ULK4: variants seen among roughly 807,000 people sequenced by gnomAD.
The protein encoded by ULK4 is inactive serine/threonine-protein kinase ULK4.
A neutral mutation model predicts 160.6 loss-of-function variants in ULK4; 133 were observed. That is an observed-to-expected ratio of 0.83 (90% CI 0.72 to 0.96). The LOEUF is 0.96. Ranked by LOEUF, ULK4 falls within the 40% of genes least tolerant of loss-of-function variation. The pLI is 0.00. For synonymous variants in ULK4, 534 were observed against 539.8 expected, an observed-to-expected ratio of 0.99 and a Z score of 0.15; for missense variants, 1,580 against 1,499.5, an observed-to-expected ratio of 1.05 and a Z score of -0.89.
chr3:41,932,009 A>C lies in ULK4; in HGVS notation c.379-3T>G, dbSNP rs983225648. ...GTGCCAGGCCCTTCCAAGAGTATCT[A>C]TGAAGATCAAATAAATGTTTTCAGA... is the stretch of plus-strand genomic sequence containing the variant. On this transcript the variant is annotated splice_polypyrimidine_tract_variant and splice_region_variant and intron_variant, in intron 4 of 36. Transcript: ENST00000301831. The C allele has an allele frequency of 1.9e-6, 3 of 1,610,782 alleles. No individual in the cohort carries two copies. The Admixed American group carries it at 5.0e-5, about 27-fold the overall frequency.
intron 32 of ULK4, among the ~76,000 whole-genome samples, chr3:41,542,945 G>T (rs1378524673): frequency 6.6e-6 from 1 of 151,998 alleles, no homozygotes; most frequent in Admixed American, 6.6e-5. Flanking sequence ...ATCTTCTATG[G>T]ACAGGAATCA....
chr3:41,642,077 T>C (rs540485028), intron 30 of ULK4, among the ~76,000 whole-genome samples: 2 of 150,594 alleles, frequency 1.3e-5, no homozygotes, highest in South Asian at 4.2e-4. Context: ...TTTCTTCATG[T>C]TGGTCAGGCT....
intron 34 of ULK4, among the ~76,000 whole-genome samples, chr3:41,433,772 T>C (rs1219922615): frequency 6.6e-6 from 1 of 151,842 alleles, no homozygotes; most frequent in Non-Finnish European, 1.5e-5. Flanking sequence ...CAGGCTGGAG[T>C]GCAATGGCGC....
At chr3:41,658,379 C>T (rs1181324428) in intron 30 of ULK4, among the ~76,000 whole-genome samples, 1 of 152,118 alleles carries the variant, frequency 6.6e-6, no homozygotes, top group African/African-American at 2.4e-5. Context: ...TAAAAAGCTC[C>T]CCAAGTGATA....
rs547901359 is a variant in ULK4 at position 41,893,570 on chromosome 3, G to C, written c.1577+1948C>G. 1.8e-3 allele frequency among the ~76,000 whole-genome samples: 269 copies of C among 151,590 alleles called. 2 individuals are homozygous for C. The highest frequency in any genetic ancestry group is 2.2e-3 in the Non-Finnish European group (147 of 67,832). On this transcript the variant is annotated intron_variant, in intron 16 of 36. Coordinates refer to ENST00000301831, the MANE Select transcript of ULK4 (RefSeq NM_017886.4). ...TCTAATTCTACAAATCTTCCCTAAAGAGAAAAAGAAAAAGCAGGCACAAAG... is the reference window on the plus strand; with the variant it reads ...TCTAATTCTACAAATCTTCCCTAAACAGAAAAAGAAAAAGCAGGCACAAAG...
intron 35 of ULK4, among the ~76,000 whole-genome samples, chr3:41,279,260 A>AG (rs1559501520): frequency 2.4e-5 from 3 of 127,118 alleles, no homozygotes; most frequent in African/African-American, 1.0e-4. Context: ...AAGAGTAAAA[A>AG]AAAAAAAAAA....
chr3:41,580,372 A>AT (rs1383641470), intron 31 of ULK4, among the ~76,000 whole-genome samples: 40 of 150,306 alleles, frequency 2.7e-4, no homozygotes, highest in African/African-American at 8.8e-4. Context: ...TAAACCAATT[A>AT]TTTATTTTTT....
At position 41,322,225 on chromosome 3, in the gene ULK4, T is replaced by C. The variant is rs529425369; in HGVS notation, c.3679-72651A>G. ...TTTTGTAATTTTAGTAGAGATGGGGTTTCACCCTGTTGGCCAGGCTGGTCT... is the reference window on the plus strand; with the variant it reads ...TTTTGTAATTTTAGTAGAGATGGGGCTTCACCCTGTTGGCCAGGCTGGTCT... On this transcript the variant is annotated intron_variant, in intron 35 of 36. Coordinates refer to ENST00000301831, the MANE Select transcript of ULK4 (RefSeq NM_017886.4). 3.5e-5 allele frequency among the ~76,000 whole-genome samples: 5 copies of C among 144,330 alleles called. 1 individual carries two copies. The highest frequency in any genetic ancestry group is 4.3e-4 in the South Asian group (2 of 4,600). 94.7% of individuals were successfully genotyped at this position (144,330 alleles called of 152,430 possible). A position where few individuals can be genotyped will look rare whatever the true frequency, so the allele number is the denominator to read the frequency against.
intron 21 of ULK4, among the ~76,000 whole-genome samples, chr3:41,766,268 A>G (rs899828746): frequency 2.0e-5 from 3 of 152,252 alleles, no homozygotes; most frequent in Non-Finnish European, 2.9e-5. Context: ...ACTCTGTCTC[A>G]AAGAAAAAAA....
At chr3:41,255,347 G>C (rs1461966234) in intron 35 of ULK4, among the ~76,000 whole-genome samples, 2 of 152,106 alleles carry the variant, frequency 1.3e-5, no homozygotes, top group East Asian at 3.9e-4. Context: ...GCTGGGCATG[G>C]TGGCACAAGC....
chr3:41,914,687 T>G (rs1435577421), intron 8 of ULK4: 3 of 152,200 alleles, frequency 2.0e-5, no homozygotes, highest in Non-Finnish European at 4.4e-5. Context: ...GTTTACTTTT[T>G]TATAGGTAAT....
At chr3:41,673,907 C>A (rs1050317284) in intron 29 of ULK4, among the ~76,000 whole-genome samples, 5 of 152,058 alleles carry the variant, frequency 3.3e-5, no homozygotes, top group African/African-American at 1.2e-4. Flanking sequence ...TTCTTTATTG[C>A]TTTGTCTTGC....
chr3:41,954,669 CT>C lies in ULK4; in HGVS notation c.90del (p.Ala31ProfsTer13), dbSNP rs1700424230. ...KGRRKGTINF[V>X]AILCTDKCKR... ...TTGCACTTATCAGTACAAAGAATGG[CT>C]ACAAAATTGATTGTTCCCTTCCGTC... is the stretch of plus-strand genomic sequence containing the variant. On this transcript the variant is annotated frameshift_variant, in exon 2 of 37. Coordinates refer to ENST00000301831, the MANE Select transcript of ULK4 (RefSeq NM_017886.4). LOFTEE classifies it high-confidence loss of function. The C allele has an allele frequency of 6.2e-7, 1 of 1,613,832 alleles. No individual in the cohort carries two copies. Among genetic ancestry groups the C allele is most frequent in the African/African-American group, 1.3e-5 (1 of 74,912 alleles).
chr3:41,597,369 C>T (rs929611789), intron 31 of ULK4, among the ~76,000 whole-genome samples: 1 of 152,166 alleles, frequency 6.6e-6, no homozygotes, highest in African/African-American at 2.4e-5. Flanking sequence ...AGGCTCAAAA[C>T]CTGCAGGGCC....
At chr3:41,411,504 T>A (rs1490458299) in intron 34 of ULK4, among the ~76,000 whole-genome samples, 2 of 151,714 alleles carry the variant, frequency 1.3e-5, no homozygotes, top group African/African-American at 4.8e-5. Context: ...CTCAGCTCAC[T>A]GCAACCTCTG....
At chr3:41,688,368 A>T (rs547577072) in intron 27 of ULK4, among the ~76,000 whole-genome samples, 1 of 152,218 alleles carries the variant, frequency 6.6e-6, no homozygotes, top group South Asian at 2.1e-4. Context: ...AGCCTGAGCC[A>T]CATAGTGGAA....
At chr3:41,259,179 C>G (rs1197205275) in intron 35 of ULK4, among the ~76,000 whole-genome samples, 1 of 151,820 alleles carries the variant, frequency 6.6e-6, no homozygotes, top group Non-Finnish European at 1.5e-5. Context: ...TATGCAAACT[C>G]TGCTATGGTC....
intron 34 of ULK4, among the ~76,000 whole-genome samples, chr3:41,421,186 A>C (rs956649849): frequency 6.6e-6 from 1 of 152,108 alleles, no homozygotes. Context: ...CTGCCTACTA[A>C]AATATGCTCT....
chr3:41,854,538 C>T (rs940923089), intron 17 of ULK4, among the ~76,000 whole-genome samples: 4 of 152,102 alleles, frequency 2.6e-5, no homozygotes, highest in Non-Finnish European at 2.9e-5. Context: ...CAAGAATCAA[C>T]GGTAAATTGA....
Sources: allele counts gnomAD v4.1 joint callset (sites outside exome capture counted in the v4.1 genomes callset), GRCh38; gene constraint gnomAD v4.1.1; transcripts MANE v1.5; gene names NCBI Gene and HGNC (gene_info 2026-07-23, HGNC 2026-07-21).